DNM3: variants seen among roughly 807,000 people sequenced by gnomAD.
DNM3 encodes dynamin-3.
A neutral mutation model predicts 101.6 loss-of-function variants in DNM3; 47 were observed. The ratio of observed to expected loss-of-function variants is 0.46; its 90% CI spans 0.37 to 0.59. DNM3 has a LOEUF of 0.59. Ranked by LOEUF, DNM3 falls within the 20% of genes least tolerant of loss-of-function variation. The pLI is 0.00. For synonymous variants in DNM3, 385 were observed against 387.9 expected (o/e 0.99, Z 0.09); for missense variants, 849 against 1,085.7 (o/e 0.78, Z 3.06).
At chr1:172,111,259 A>G (rs535904796) in intron 13 of DNM3, among the ~76,000 whole-genome samples, 2 of 152,306 alleles carry the variant, frequency 1.3e-5, no homozygotes, top group East Asian at 1.9e-4. Flanking sequence ...ATACAATAAG[A>G]CTGCTACATG....
intron 17 of DNM3, among the ~76,000 whole-genome samples, chr1:172,326,023 C>G (rs966850576): frequency 2.0e-5 from 3 of 152,136 alleles, no homozygotes; most frequent in Non-Finnish European, 2.9e-5. Flanking sequence ...CCAAATTGAT[C>G]TGCTTCATCC....
intron 14 of DNM3, among the ~76,000 whole-genome samples, chr1:172,207,064 A>G (rs779509850): frequency 6.6e-6 from 1 of 151,766 alleles, no homozygotes; most frequent in African/African-American, 2.4e-5. Flanking sequence ...GCCTGTACCC[A>G]CTCATTACAC....
chr1:172,164,232 CTT>C (rs3980440), intron 14 of DNM3, among the ~76,000 whole-genome samples: 4 of 126,612 alleles, frequency 3.2e-5, no homozygotes, highest in African/African-American at 3.1e-5. Flanking sequence ...CTTTTCTTTT[CTT>C]TTTTTTTTTT....
At chr1:172,207,254 A>G (rs1307025635) in intron 14 of DNM3, among the ~76,000 whole-genome samples, 1 of 152,074 alleles carries the variant, frequency 6.6e-6, no homozygotes, top group Non-Finnish European at 1.5e-5. Context: ...TTATATTGAC[A>G]TTGTGACACT....
chr1:172,036,024 C>T (rs1166880374), intron 6 of DNM3, among the ~76,000 whole-genome samples: 1 of 148,726 alleles, frequency 6.7e-6, no homozygotes, highest in South Asian at 2.1e-4. Flanking sequence ...TATTATTATA[C>T]TTTAAGTTTT....
chr1:171,876,258 C>T (rs76874304), intron 1 of DNM3, among the ~76,000 whole-genome samples: 1 of 152,064 alleles, frequency 6.6e-6, no homozygotes, highest in Non-Finnish European at 1.5e-5. Flanking sequence ...GGGCTGATAA[C>T]CATTGAAGTG....
intron 2 of DNM3, among the ~76,000 whole-genome samples, chr1:171,956,077 G>A (rs1403519223): frequency 6.6e-6 from 1 of 152,114 alleles, no homozygotes; most frequent in Non-Finnish European, 1.5e-5. Context: ...TTTGGGTGGG[G>A]ACATAGCCAA....
intron 1 of DNM3, among the ~76,000 whole-genome samples, chr1:171,871,107 G>A (rs570037994): frequency 3.3e-5 from 5 of 152,254 alleles, no homozygotes; most frequent in South Asian, 4.1e-4. Flanking sequence ...AATGGACATC[G>A]TCAGAAATAT....
chr1:172,221,533 A>C (rs1466971548), intron 14 of DNM3, among the ~76,000 whole-genome samples: 1 of 152,160 alleles, frequency 6.6e-6, no homozygotes, highest in Admixed American at 6.5e-5. Flanking sequence ...GCAGAAAACT[A>C]TCTTGGTAAA....
At chr1:172,048,989 C>T (rs1482544116) in intron 10 of DNM3, among the ~76,000 whole-genome samples, 2 of 152,124 alleles carry the variant, frequency 1.3e-5, no homozygotes, top group African/African-American at 4.8e-5. Flanking sequence ...CTGATTTTCC[C>T]CATGTTGTCT....
intron 17 of DNM3, among the ~76,000 whole-genome samples, chr1:172,357,082 A>G (rs2067490719): frequency 6.6e-6 from 1 of 152,132 alleles, no homozygotes; most frequent in Non-Finnish European, 1.5e-5. Context: ...TTGAATGAGT[A>G]ATTATATGAA....
chr1:171,867,775 T>A (rs1413341916), intron 1 of DNM3, among the ~76,000 whole-genome samples: 3 of 152,216 alleles, frequency 2.0e-5, no homozygotes, highest in Non-Finnish European at 4.4e-5. Flanking sequence ...GGGTTTTACT[T>A]CAGTGGTACC....
At position 171,987,712 on chromosome 1, in the gene DNM3, C is replaced by T. The variant is rs527384140; in HGVS notation, c.292C>T (p.Arg98Cys). ...GKKFTDFDEV[R>C]LEIEAETDRV... ...GAAATTTACAGATTTTGATGAAGTT[C>T]GCCTTGAGATTGAAGCAGAAACAGA... The change falls in exon 3 of 21, where the codon CGC (arginine) becomes TGC (cysteine). Residue 98 changes from arginine (R) to cysteine (C), a missense_variant. Physicochemically the swap from Arg to Cys is radical, Grantham distance 180. Around this residue, in one of 5 missense-constraint regions of DNM3, gnomAD observed 388 missense variants for 483.0 expected, o/e 0.80. Coordinates refer to ENST00000627582, the MANE Select transcript of DNM3 (RefSeq NM_015569.5). 100 of 1,598,078 alleles carry T rather than the reference C, an allele frequency of 6.3e-5. No homozygotes were observed. The highest frequency in any genetic ancestry group is 2.0e-4 in the East Asian group (9 of 44,306).
chr1:172,093,129 C>A (rs1327021497), intron 13 of DNM3, among the ~76,000 whole-genome samples: 1 of 152,010 alleles, frequency 6.6e-6, no homozygotes, highest in Non-Finnish European at 1.5e-5. Flanking sequence ...AAATTTGACT[C>A]CTCATGTCCT....
intron 2 of DNM3, among the ~76,000 whole-genome samples, chr1:171,976,169 A>G (rs943880689): frequency 6.6e-6 from 1 of 152,212 alleles, no homozygotes; most frequent in Non-Finnish European, 1.5e-5. Flanking sequence ...AAAAAAATAG[A>G]TATTTACATG....
intron 15 of DNM3, among the ~76,000 whole-genome samples, chr1:172,260,002 T>C (rs1055524117): frequency 2.6e-5 from 4 of 152,012 alleles, no homozygotes; most frequent in African/African-American, 4.8e-5. Flanking sequence ...GTATTTCTTA[T>C]AGGGGTGGTC....
chr1:171,977,069 G>A (rs1248668898), intron 2 of DNM3, among the ~76,000 whole-genome samples: 1 of 152,018 alleles, frequency 6.6e-6, no homozygotes, highest in Non-Finnish European at 1.5e-5. Flanking sequence ...ATTAAAACAA[G>A]GACTGACATT....
intron 15 of DNM3, among the ~76,000 whole-genome samples, chr1:172,285,747 C>G: frequency 6.6e-6 from 1 of 151,976 alleles, no homozygotes; most frequent in Middle Eastern, 3.2e-3. Flanking sequence ...TGTGGGGAAC[C>G]ATTACATAAA....
At chr1:172,160,489 TAG>T (rs2058508406) in intron 14 of DNM3, among the ~76,000 whole-genome samples, 1 of 151,982 alleles carries the variant, frequency 6.6e-6, no homozygotes, top group Non-Finnish European at 1.5e-5. Flanking sequence ...ACACACACAT[TAG>T]CCCAGGTCCA....
Sources: allele counts gnomAD v4.1 joint callset (sites outside exome capture counted in the v4.1 genomes callset), GRCh38; gene constraint gnomAD v4.1.1; regional missense constraint gnomAD v4.1.1; transcripts MANE v1.5; gene names NCBI Gene and HGNC (gene_info 2026-07-23, HGNC 2026-07-21).